GATAD2A: variants seen among roughly 807,000 people sequenced by gnomAD.
The protein encoded by GATAD2A is GATA zinc finger domain containing 2A, also known as transcriptional repressor p66-alpha.
A neutral mutation model predicts 68.5 loss-of-function variants in GATAD2A; 12 were observed. The ratio of observed to expected loss-of-function variants is 0.18; its 90% CI spans 0.11 to 0.28. The LOEUF (loss-of-function observed/expected upper bound fraction) is 0.28. GATAD2A is among the 10% of genes least tolerant of loss of function. The pLI is 1.00. For missense variants in GATAD2A, 755 were observed against 868.5 expected (o/e 0.87, Z 1.64); for synonymous variants, 410 against 375.3 (o/e 1.09, Z -1.07).
intron 11 of GATAD2A, among the ~76,000 whole-genome samples, chr19:19,503,868 T>A (rs2144526921): frequency 6.6e-6 from 1 of 152,274 alleles, no homozygotes; most frequent in East Asian, 1.9e-4. Context: ...TAAGAACATT[T>A]GACCTGGGAA....
chr19:19,502,521 G>A lies in GATAD2A; in HGVS notation c.1769G>A (p.Ser590Asn), dbSNP rs1380199265. 2.5e-6 allele frequency: 4 copies of A among 1,608,724 alleles called. No individual in the cohort carries two copies. The highest frequency in any genetic ancestry group is 1.7e-6 in the Non-Finnish European group (2 of 1,177,470). The change falls in exon 11 of 12, where the codon AGC (serine) becomes AAC (asparagine). Residue 590 changes from serine (S) to asparagine (N), a missense_variant. Transcript: ENST00000683918. ...TCCAACTGGAAGAAGACGCCCCTCA[G>A]CACAGGTGGGTGACCTCCACAGGGC... is the stretch of plus-strand genomic sequence containing the variant. ...ATSNWKKTPLSTGGTLAFVSP... is the reference protein window; with the variant it reads ...ATSNWKKTPLNTGGTLAFVSP...
At chr19:19,448,383 C>T (rs1422907251) in intron 1 of GATAD2A, among the ~76,000 whole-genome samples, 2 of 152,244 alleles carry the variant, frequency 1.3e-5, no homozygotes, top group Admixed American at 6.5e-5. Flanking sequence ...TCAAGCACGG[C>T]CTCAAATGAG....
rs192796290 is a variant in GATAD2A at position 19,438,863 on chromosome 19, T to G, written c.-6-26477T>G. On this transcript the variant is annotated intron_variant, in intron 1 of 11. Transcript: ENST00000683918. ...CGAATAATTATTTCTTCAGGACTTATAAATGTGTCAGCTTGTGTGCACTTT... is the reference window on the plus strand; with the variant it reads ...CGAATAATTATTTCTTCAGGACTTAGAAATGTGTCAGCTTGTGTGCACTTT... Among the ~76,000 whole-genome samples, 87 of 152,402 alleles carry G rather than the reference T, an allele frequency of 5.7e-4. 1 individual carries two copies. The highest frequency in any genetic ancestry group is 2.5e-3 in the Admixed American group (38 of 15,312).
intron 1 of GATAD2A, among the ~76,000 whole-genome samples, chr19:19,407,205 C>T (rs1189349013): frequency 6.6e-6 from 1 of 152,220 alleles, no homozygotes; most frequent in Non-Finnish European, 1.5e-5. Flanking sequence ...ACTGACTTAA[C>T]TCTTCTGGTA....
At chr19:19,470,505 T>G (rs2148090859) in intron 2 of GATAD2A, among the ~76,000 whole-genome samples, 1 of 152,304 alleles carries the variant, frequency 6.6e-6, no homozygotes, top group Non-Finnish European at 1.5e-5. Context: ...AAACATAAAC[T>G]TGATAGGATT....
At chr19:19,485,842 G>T (rs894550176) in intron 2 of GATAD2A, among the ~76,000 whole-genome samples, 1 of 152,178 alleles carries the variant, frequency 6.6e-6, no homozygotes, top group Non-Finnish European at 1.5e-5. Flanking sequence ...CCACAAAAGC[G>T]CTTGGACTCA....
chr19:19,442,148 C>A lies in GATAD2A; in HGVS notation c.-6-23192C>A, dbSNP rs151307337. On this transcript the variant is annotated intron_variant, in intron 1 of 11. Transcript: ENST00000683918. ...GTGCTGGGATTACAGGCGTGAGCCA[C>A]TGCACCTGGCCAAGACCTGAAGTAC... Among the ~76,000 whole-genome samples, 520 of 152,312 alleles carry A rather than the reference C, an allele frequency of 3.4e-3. 1 individual carries two copies. Among genetic ancestry groups the A allele is most frequent in the Middle Eastern group, 0.014 (4 of 292 alleles).
chr19:19,457,511 C>T (rs1230490437), intron 1 of GATAD2A, among the ~76,000 whole-genome samples: 5 of 152,058 alleles, frequency 3.3e-5, no homozygotes, highest in Admixed American at 1.3e-4. Flanking sequence ...GAGGCCGAGG[C>T]GGGCGGATCA....
At chr19:19,485,278 C>G (rs1471316468) in intron 2 of GATAD2A, among the ~76,000 whole-genome samples, 1 of 152,218 alleles carries the variant, frequency 6.6e-6, no homozygotes, top group Non-Finnish European at 1.5e-5. Flanking sequence ...GCTCCATTAG[C>G]TTAGTGGTTT....
chr19:19,424,209 C>T (rs2052781143), intron 1 of GATAD2A, among the ~76,000 whole-genome samples: 2 of 151,682 alleles, frequency 1.3e-5, no homozygotes, highest in African/African-American at 4.8e-5. Flanking sequence ...CAGGCATGAG[C>T]CACTGCATGT....
intron 1 of GATAD2A, among the ~76,000 whole-genome samples, chr19:19,392,397 T>G (rs1348436058): frequency 1.3e-5 from 2 of 150,240 alleles, no homozygotes; most frequent in Non-Finnish European, 3.0e-5. Context: ...TGTGTGTGTT[T>G]TTTTTTTTTT....
At chr19:19,451,232 T>A (rs1401262666) in intron 1 of GATAD2A, among the ~76,000 whole-genome samples, 1 of 150,420 alleles carries the variant, frequency 6.6e-6, no homozygotes, top group Non-Finnish European at 1.5e-5. Context: ...AAAAAAAAAA[T>A]TAGCCGTTTG....
chr19:19,402,876 G>A (rs956241145), upstream of GATAD2A, among the ~76,000 whole-genome samples: 1 of 150,506 alleles, frequency 6.6e-6, no homozygotes, highest in Non-Finnish European at 1.5e-5. Context: ...TGGGTTCAGC[G>A]ATTCTCCTGC....
chr19:19,431,126 T>G (rs1044715119), intron 1 of GATAD2A, among the ~76,000 whole-genome samples: 2 of 151,882 alleles, frequency 1.3e-5, no homozygotes, highest in Admixed American at 6.6e-5. Context: ...GATACTGCTT[T>G]AAATGTATGG....
chr19:19,474,363 C>T (rs1244750268), intron 2 of GATAD2A, among the ~76,000 whole-genome samples: 1 of 152,152 alleles, frequency 6.6e-6, no homozygotes, highest in East Asian at 1.9e-4. Context: ...TATCACGGCC[C>T]AGAAACCTTA....
At chr19:19,501,630 A>T (rs1337467532) in intron 9 of GATAD2A, among the ~76,000 whole-genome samples, 1 of 152,206 alleles carries the variant, frequency 6.6e-6, no homozygotes, top group Non-Finnish European at 1.5e-5. Flanking sequence ...GCTTGTCTTC[A>T]AGGTCTTTTC....
chr19:19,503,470 G>A (rs1202868861), intron 11 of GATAD2A, among the ~76,000 whole-genome samples: 1 of 152,216 alleles, frequency 6.6e-6, no homozygotes, highest in Non-Finnish European at 1.5e-5. Flanking sequence ...CTGGACAGTT[G>A]AGTGTGTTTG....
At position 19,495,801 on chromosome 19, in the gene GATAD2A, C is replaced by T; in HGVS notation, c.672C>T (p.Val224=). The T allele has an allele frequency of 1.2e-6, 2 of 1,613,730 alleles. No homozygotes were observed. Among genetic ancestry groups the T allele is most frequent in the East Asian group, 4.5e-5 (2 of 44,886 alleles). The stretch of plus-strand genomic sequence containing the variant: ...GCAGTGTCATACCCCCGCCCCTGGT[C>T]CGAGGTGGGCAGCAGGCGTCCTCGA... ...MPGSVIPPPL[V]RGGQQASSKL... Residue 224 remains valine (V), a synonymous_variant, in exon 6 of 12, where the codon GTC becomes GTT. Coordinates refer to ENST00000683918, the MANE Select transcript of GATAD2A (RefSeq NM_001384528.1).
intron 1 of GATAD2A, among the ~76,000 whole-genome samples, chr19:19,389,901 C>T (rs1254014212): frequency 6.6e-6 from 1 of 152,076 alleles, no homozygotes; most frequent in South Asian, 2.1e-4. Flanking sequence ...TAGCTGGGAC[C>T]ACAGGCGCAT....
Sources: gnomAD v4.1 joint callset for allele counts (sites outside exome capture counted in the v4.1 genomes callset) on GRCh38, gnomAD v4.1.1 for gene constraint, MANE v1.5 for transcripts, NCBI Gene and HGNC (gene_info 2026-07-23, HGNC 2026-07-21) for gene names.